The following PIGM variants were observed in gnomAD, a reference collection of about 807,000 sequenced individuals.
PIGM encodes the protein GPI alpha-1,4-mannosyltransferase I, catalytic subunit.
In PIGM, 7 loss-of-function variants were observed where a neutral mutation model predicts 14.6. That is an observed-to-expected ratio of 0.48 (90% CI 0.27 to 0.90). The LOEUF (loss-of-function observed/expected upper bound fraction) is 0.90. Among genes scored for constraint, PIGM ranks in the 40% least tolerant of loss-of-function variants. The pLI is 0.12. For synonymous variants in PIGM, 216 were observed against 215.9 expected (o/e 1.00, Z 0.00); for missense variants, 506 against 516.2 (o/e 0.98, Z 0.19).
chr1:160,028,200 A>C lies in PIGM; in HGVS notation c.*2268T>G, dbSNP rs1489963811. 1 of 152,182 alleles carries C rather than the reference A, an allele frequency of 6.6e-6. No homozygotes were observed. Among genetic ancestry groups the C allele is most frequent in the Non-Finnish European group, 1.5e-5 (1 of 68,020 alleles). The allele number at this position is 152,182 out of a possible 1,614,324, so 9.4% of individuals were successfully genotyped here. On this transcript the variant is annotated 3_prime_UTR_variant, in exon 1 of 1. Coordinates refer to ENST00000368090, the MANE Select transcript of PIGM (RefSeq NM_145167.3). ...ATTAGTAAGTAAATATAATTATAAA[A>C]CCAAGTCAGAAATACAAAAAAAGGG...
At position 160,030,233 on chromosome 1, in the gene PIGM, T is replaced by C. The variant is rs979541962; in HGVS notation, c.*235A>G. The C allele has an allele frequency of 2.1e-6, 1 of 475,606 alleles. No homozygotes were observed. Among genetic ancestry groups the C allele is most frequent in the Non-Finnish European group, 3.8e-6 (1 of 259,934 alleles). The allele number at this position is 475,606 out of a possible 1,614,324, so 29.5% of individuals were successfully genotyped here. ...ATCAGCCTTTCCATTTTCCAATATG[T>C]GACCTTTATTCCCACCATGTCCCAA... is the stretch of plus-strand genomic sequence containing the variant. On this transcript the variant is annotated 3_prime_UTR_variant, in exon 1 of 1. Transcript: ENST00000368090.
chr1:160,030,794 A>C lies in PIGM; in HGVS notation c.946T>G (p.Cys316Gly), dbSNP rs1294304086. The C allele has an allele frequency of 1.9e-6, 3 of 1,614,216 alleles. No individual in the cohort carries two copies. Among genetic ancestry groups the C allele is most frequent in the Middle Eastern group, 1.6e-4 (1 of 6,062 alleles). Residue 316 changes from cysteine to glycine, a missense_variant, in exon 1 of 1, where the codon TGT becomes GGT. By Grantham distance (159) the Cys-to-Gly change is radical. Transcript: ENST00000368090. ...SFAYYRDLVF[C>G]CFLHTSIFVT... The stretch of plus-strand genomic sequence containing the variant: ...AAAATGGACGTATGAAGAAAACAAC[A>C]AAAAACGAGGTCTCTGTAATAGGCG...
At position 160,031,366 on chromosome 1, in the gene PIGM, C is replaced by A. The variant is rs146454278; in HGVS notation, c.374G>T (p.Cys125Phe). 1.8e-5 allele frequency: 29 copies of A among 1,607,056 alleles called. No homozygotes were observed. The highest frequency in any genetic ancestry group is 2.4e-5 in the Non-Finnish European group (28 of 1,175,242). The change falls in exon 1 of 1, where the codon TGT becomes TTT. Residue 125 changes from cysteine to phenylalanine, a missense_variant. Coordinates refer to ENST00000368090, the MANE Select transcript of PIGM (RefSeq NM_145167.3). ...LLKGLGRRQA[C>F]GYCVFWLLNP... ...AAGAAGCCAAAAGACACAGTAGCCA[C>A]AAGCCTGGCGGCGCCCCAGCCCCTT...
Position 160,027,086 on chromosome 1 carries a change from G to A in PIGM, c.*3382C>T, listed in dbSNP as rs1490781844. 1.3e-5 allele frequency: 2 copies of A among 151,960 alleles called. No individual in the cohort carries two copies. Among genetic ancestry groups the A allele is most frequent in the African/African-American group, 4.8e-5 (2 of 41,314 alleles). The allele number at this position is 151,960 out of a possible 1,614,324, so 9.4% of individuals were successfully genotyped here. ...CTGCCTCAGCTTCCCAAAGCATTGG[G>A]ATTATAGGCATGAACCACCATGCCC... is the stretch of plus-strand genomic sequence containing the variant. On this transcript the variant is annotated 3_prime_UTR_variant, in exon 1 of 1. Coordinates refer to ENST00000368090, the MANE Select transcript of PIGM (RefSeq NM_145167.3).
rs147502351 is a variant in PIGM at position 160,031,222 on chromosome 1, T to C, written c.518A>G (p.Tyr173Cys). The change falls in exon 1 of 1, where the codon TAT (tyrosine) becomes TGT (cysteine). Residue 173 changes from tyrosine to cysteine, a missense_variant. Tyr to Cys is a radical substitution (Grantham distance 194, BLOSUM62 -2). Coordinates refer to ENST00000368090, the MANE Select transcript of PIGM (RefSeq NM_145167.3). ...TATCTTCATATGCACCGCGAAACCA[T>C]AGAATACAGCTGCACACGCGACGAG... Reference protein sequence around the residue: ...KRLVACAAVFYGFAVHMKIYP... With the variant: ...KRLVACAAVFCGFAVHMKIYP... 5.4e-5 allele frequency: 87 copies of C among 1,613,938 alleles called. No individual in the cohort carries two copies. In the African/African-American group the frequency reaches 7.7e-4, roughly 14 times the overall value.
chr1:160,030,340 G>T lies in PIGM; in HGVS notation c.*128C>A. On this transcript the variant is annotated 3_prime_UTR_variant, in exon 1 of 1. Transcript: ENST00000368090. ...TATATAAGGCAAACATTGCTTTTAA[G>T]TTCTGTTGGAACATGGGAACTTTCA... is the stretch of plus-strand genomic sequence containing the variant. 9.9e-7 allele frequency: 1 copy of T among 1,009,710 alleles called. No homozygotes were observed. Among genetic ancestry groups the T allele is most frequent in the East Asian group, 2.4e-5 (1 of 41,620 alleles). 62.5% of individuals were successfully genotyped at this position (1,009,710 alleles called of 1,614,324 possible). A position where few individuals can be genotyped will look rare whatever the true frequency, so the allele number is the denominator to read the frequency against.
At position 160,031,797 on chromosome 1, in the gene PIGM, C is replaced by A; in HGVS notation, c.-58G>T. The A allele has an allele frequency of 6.2e-7, 1 of 1,605,738 alleles. No individual in the cohort carries two copies. The highest frequency in any genetic ancestry group is 8.5e-7 in the Non-Finnish European group (1 of 1,173,786). On this transcript the variant is annotated 5_prime_UTR_variant, in exon 1 of 1. Transcript: ENST00000368090. ...CTCCAAACTGCCTTCGTACTTCTAACCTTCCCTTCGGTTCTTTGCAGCAGG... is the reference window on the plus strand; with the variant it reads ...CTCCAAACTGCCTTCGTACTTCTAAACTTCCCTTCGGTTCTTTGCAGCAGG...
Position 160,030,919 on chromosome 1 carries a change from T to C in PIGM, c.821A>G (p.Tyr274Cys). The change falls in exon 1 of 1, where the codon TAC becomes TGC. Residue 274 changes from tyrosine to cysteine, a missense_variant. Physicochemically the swap from Tyr to Cys is radical, Grantham distance 194. Transcript: ENST00000368090. ...RRDIRHNFSP[Y>C]FYMLYLTAES... Reference sequence around the variant, plus strand: ...TGCAGTCAAATACAGCATGTAGAAGTACGGAGAAAAGTTGTGACGGATATC... The same window carrying C: ...TGCAGTCAAATACAGCATGTAGAAGCACGGAGAAAAGTTGTGACGGATATC... 2.5e-6 allele frequency: 4 copies of C among 1,614,164 alleles called. No homozygotes were observed. Among genetic ancestry groups the C allele is most frequent in the Non-Finnish European group, 3.4e-6 (4 of 1,180,022 alleles).
In PIGM at chr1:160,026,547, ATAGT is replaced by A. The variant is rs2101917559; in HGVS notation, c.*3917_*3920del. 1 of 152,322 alleles carries A rather than the reference ATAGT, an allele frequency of 6.6e-6. No homozygotes were observed. The highest frequency in any genetic ancestry group is 2.1e-4 in the South Asian group (1 of 4,832). The allele number at this position is 152,322 out of a possible 1,614,324, so 9.4% of individuals were successfully genotyped here. The stretch of plus-strand genomic sequence containing the variant: ...GATGGCAATATGAGTAGTGTTTAAA[ATAGT>A]TAGGTCAGGCGGGGTGCAGTGGCTC... On this transcript the variant is annotated 3_prime_UTR_variant, in exon 1 of 1. Coordinates refer to ENST00000368090, the MANE Select transcript of PIGM (RefSeq NM_145167.3).
chr1:160,030,547 A>G lies in PIGM; in HGVS notation c.1193T>C (p.Leu398Pro), dbSNP rs546255751. Residue 398 changes from leucine to proline, a missense_variant, in exon 1 of 1, where the codon CTT becomes CCT. Leu to Pro is a moderately conservative substitution (Grantham distance 98, BLOSUM62 -3). Transcript: ENST00000368090. ...TTGAATCAGGATGGAACAATTGATA[A>G]GAAGAAAGAACAAACCAGCTAACCA... ...FIWLAGLFFL[L>P]INCSILIQII... The G allele has an allele frequency of 1.3e-5, 21 of 1,614,002 alleles. No individual in the cohort carries two copies. Among genetic ancestry groups the G allele is most frequent in the Admixed American group, 3.3e-5 (2 of 60,034 alleles).
rs1648157781 is a variant in PIGM, at chr1:160,025,218, T to C, written c.*5250A>G. On this transcript the variant is annotated 3_prime_UTR_variant, in exon 1 of 1. Transcript: ENST00000368090. ...ATCCTTACCAACAATTCTATGAAGATTGTGCTATCATTCCCATTTCACAGA... is the reference window on the plus strand; with the variant it reads ...ATCCTTACCAACAATTCTATGAAGACTGTGCTATCATTCCCATTTCACAGA... The C allele has an allele frequency of 6.6e-6, 1 of 152,248 alleles. No individual in the cohort carries two copies. Among genetic ancestry groups the C allele is most frequent in the Non-Finnish European group, 1.5e-5 (1 of 68,038 alleles). 9.4% of individuals were successfully genotyped at this position (152,248 alleles called of 1,614,324 possible). A position where few individuals can be genotyped will look rare whatever the true frequency, so the allele number is the denominator to read the frequency against.
chr1:160,031,178 G>T lies in PIGM; in HGVS notation c.562C>A (p.Leu188Ile). 1 of 1,614,174 alleles carries T rather than the reference G, an allele frequency of 6.2e-7. No individual in the cohort carries two copies. Among genetic ancestry groups the T allele is most frequent in the South Asian group, 1.1e-5 (1 of 91,088 alleles). ...GGAAGCAGGTGGAGGGTTATGGGAA[G>T]GATGTAAGTCACTGGATATATCTTC... ...HMKIYPVTYI[L>I]PITLHLLPDR... Residue 188 changes from leucine (L) to isoleucine (I), a missense_variant, in exon 1 of 1, where the codon CTT becomes ATT. By Grantham distance (5) the Leu-to-Ile change is conservative. Transcript: ENST00000368090.
rs1648154116 is a variant in PIGM at position 160,025,053 on chromosome 1, T to C, written c.*5415A>G. The C allele has an allele frequency of 6.6e-6, 1 of 152,242 alleles. No individual in the cohort carries two copies. 9.4% of individuals were successfully genotyped at this position (152,242 alleles called of 1,614,324 possible). Reference sequence around the variant, plus strand: ...GTCAAACATTTATTTTATATAAATATAATTTCCTTGCCTATATCCATTAGA... The same window carrying C: ...GTCAAACATTTATTTTATATAAATACAATTTCCTTGCCTATATCCATTAGA... On this transcript the variant is annotated 3_prime_UTR_variant, in exon 1 of 1. Transcript: ENST00000368090.
chr1:160,028,454 A>G lies in PIGM; in HGVS notation c.*2014T>C, dbSNP rs1648233880. 1 of 152,266 alleles carries G rather than the reference A, an allele frequency of 6.6e-6. No individual in the cohort carries two copies. Among genetic ancestry groups the G allele is most frequent in the East Asian group, 1.9e-4 (1 of 5,180 alleles). The allele number at this position is 152,266 out of a possible 1,614,324, so 9.4% of individuals were successfully genotyped here. A position where few individuals can be genotyped will look rare whatever the true frequency, so the allele number is the denominator to read the frequency against. ...ATTGTCCTCAGCAACTGACTCTGCT[A>G]TTTTTACCCCAAACAGGAGCCCATA... On this transcript the variant is annotated 3_prime_UTR_variant, in exon 1 of 1. Coordinates refer to ENST00000368090, the MANE Select transcript of PIGM (RefSeq NM_145167.3).
chr1:160,030,393 A>T lies in PIGM; in HGVS notation c.*75T>A. On this transcript the variant is annotated 3_prime_UTR_variant, in exon 1 of 1. Transcript: ENST00000368090. ...AGAATGCTTAGAATGTTCAGAAAAA[A>T]TGTCCCAAAGCTCTCTTCTGGTCCA... is the stretch of plus-strand genomic sequence containing the variant. 1 of 1,458,614 alleles carries T rather than the reference A, an allele frequency of 6.9e-7. No homozygotes were observed. The highest frequency in any genetic ancestry group is 9.6e-7 in the Non-Finnish European group (1 of 1,041,482). The allele number at this position is 1,458,614 out of a possible 1,614,324, so 90.4% of individuals were successfully genotyped here.
chr1:160,029,776 CCTTTT>C lies in PIGM; in HGVS notation c.*687_*691del, dbSNP rs1648274669. On this transcript the variant is annotated 3_prime_UTR_variant, in exon 1 of 1. Transcript: ENST00000368090. ...TTTTCTATCTAAAAAGTTGTCCTTTCCTTTTTTTTTTTTTTTTTTTTTTTGAGACA... is the reference window on the plus strand; with the variant it reads ...TTTTCTATCTAAAAAGTTGTCCTTTCTTTTTTTTTTTTTTTTTTTGAGACA... 1 of 77,466 alleles carries C rather than the reference CCTTTT, an allele frequency of 1.3e-5. No individual in the cohort carries two copies. Among genetic ancestry groups the C allele is most frequent in the African/African-American group, 4.1e-5 (1 of 24,468 alleles). 4.8% of individuals were successfully genotyped at this position (77,466 alleles called of 1,614,324 possible).
At position 160,027,082 on chromosome 1, in the gene PIGM, T is replaced by C. The variant is rs928054455; in HGVS notation, c.*3386A>G. The C allele has an allele frequency of 5.9e-5, 9 of 152,098 alleles. No homozygotes were observed. Among genetic ancestry groups the C allele is most frequent in the East Asian group, 1.9e-4 (1 of 5,158 alleles). The allele number at this position is 152,098 out of a possible 1,614,324, so 9.4% of individuals were successfully genotyped here. A position where few individuals can be genotyped will look rare whatever the true frequency, so the allele number is the denominator to read the frequency against. On this transcript the variant is annotated 3_prime_UTR_variant, in exon 1 of 1. Coordinates refer to ENST00000368090, the MANE Select transcript of PIGM (RefSeq NM_145167.3). The stretch of plus-strand genomic sequence containing the variant: ...CCTCCTGCCTCAGCTTCCCAAAGCA[T>C]TGGGATTATAGGCATGAACCACCAT...
rs1221456628 is a variant in PIGM at position 160,025,613 on chromosome 1, T to C, written c.*4855A>G. On this transcript the variant is annotated 3_prime_UTR_variant, in exon 1 of 1. Transcript: ENST00000368090. ...TAAAGGCCTGGAATCATTGAAAAGT[T>C]TGGGGATGACAGTGACTTGGTACAA... 6.6e-6 allele frequency: 1 copy of C among 152,154 alleles called. No individual in the cohort carries two copies. The highest frequency in any genetic ancestry group is 1.9e-4 in the East Asian group (1 of 5,196). The allele number at this position is 152,154 out of a possible 1,614,324, so 9.4% of individuals were successfully genotyped here. A position where few individuals can be genotyped will look rare whatever the true frequency, so the allele number is the denominator to read the frequency against.
chr1:160,031,407 G>C lies in PIGM; in HGVS notation c.333C>G (p.Tyr111Ter), dbSNP rs369797111. 1.9e-6 allele frequency: 3 copies of C among 1,610,040 alleles called. No homozygotes were observed. The highest frequency in any genetic ancestry group is 2.5e-6 in the Non-Finnish European group (3 of 1,176,804). ...SCDLLTAFLLYRLLLLKGLGR... is the reference protein window; with the variant it reads ...SCDLLTAFLL The stretch of plus-strand genomic sequence containing the variant: ...CCAGCCCCTTCAGCAGCAGCAGGCG[G>C]TATAAGAGGAAAGCGGTGAGGAGGT... Residue 111 changes from tyrosine (Y) to a stop codon, truncating the protein, a stop_gained, in exon 1 of 1, where the codon TAC becomes TAG. Transcript: ENST00000368090. LOFTEE classifies it low-confidence loss of function (END_TRUNC).
Sources: gnomAD v4.1 joint callset for allele counts on GRCh38, gnomAD v4.1.1 for gene constraint, MANE v1.5 for transcripts, NCBI Gene and HGNC (gene_info 2026-07-23, HGNC 2026-07-21) for gene names.